Variants in ADAMTS12 observed in about 807,000 individuals in gnomAD.
ADAMTS12 encodes ADAM metallopeptidase with thrombospondin type 1 motif 12.
A neutral mutation model predicts 167.8 loss-of-function variants in ADAMTS12; 118 were observed. The ratio of observed to expected loss-of-function variants is 0.70; its 90% CI spans 0.61 to 0.82. The LOEUF is 0.82. Among genes scored for constraint, ADAMTS12 ranks in the 40% least tolerant of loss-of-function variants. ADAMTS12 has a pLI of 0.00. For missense variants in ADAMTS12, 1,916 were observed against 1,998.8 expected (o/e 0.96, Z 0.79); for synonymous variants, 704 against 716.9 (o/e 0.98, Z 0.29).
intron 3 of ADAMTS12, among the ~76,000 whole-genome samples, chr5:33,721,092 TA>T (rs568954389): frequency 1.1e-3 from 172 of 152,300 alleles, no homozygotes; most frequent in African/African-American, 4.0e-3. Context: ...CTCGCCAATG[TA>T]ATGTGACAGA....
At chr5:33,738,780 G>A (rs1185012559) in intron 3 of ADAMTS12, among the ~76,000 whole-genome samples, 6 of 152,252 alleles carry the variant, frequency 3.9e-5, no homozygotes, top group African/African-American at 1.2e-4. Context: ...AGGAGCTGAA[G>A]AGCCAAGGCC....
chr5:33,719,926 C>A (rs1167771499), intron 3 of ADAMTS12, among the ~76,000 whole-genome samples: 1 of 152,038 alleles, frequency 6.6e-6, no homozygotes, highest in East Asian at 1.9e-4. Context: ...GTGGGGGTTG[C>A]TAGGGGAGGG....
intron 5 of ADAMTS12, among the ~76,000 whole-genome samples, chr5:33,664,071 T>C (rs917982479): frequency 6.6e-6 from 1 of 152,184 alleles, no homozygotes; most frequent in African/African-American, 2.4e-5. Context: ...AAAGACATCA[T>C]CTATTCTCTC....
chr5:33,791,780 T>A (rs1746580475), intron 2 of ADAMTS12, among the ~76,000 whole-genome samples: 5 of 151,912 alleles, frequency 3.3e-5, no homozygotes, highest in Admixed American at 2.6e-4. Flanking sequence ...CTTTTTTTTT[T>A]TTTGGCCTTA....
At chr5:33,750,655 G>A (rs1744940789) in intron 3 of ADAMTS12, among the ~76,000 whole-genome samples, 3 of 152,068 alleles carry the variant, frequency 2.0e-5, no homozygotes, top group Non-Finnish European at 2.9e-5. Flanking sequence ...AAACTGTCCC[G>A]ATTCCCAATC....
intron 2 of ADAMTS12, among the ~76,000 whole-genome samples, chr5:33,835,543 T>G (rs1440724353): frequency 6.6e-6 from 1 of 152,242 alleles, no homozygotes; most frequent in Admixed American, 6.5e-5. Flanking sequence ...GGCGAGGGCC[T>G]GTCTCCTAGT....
chr5:33,774,789 C>T lies in ADAMTS12; in HGVS notation c.490-23241G>A, dbSNP rs896395320. Among the ~76,000 whole-genome samples the T allele has an allele frequency of 2.6e-5, 4 of 152,210 alleles. No individual in the cohort carries two copies. The East Asian group carries it at 5.8e-4, about 22-fold the overall frequency. On this transcript the variant is annotated intron_variant, in intron 2 of 23. Coordinates refer to ENST00000504830, the MANE Select transcript of ADAMTS12 (RefSeq NM_030955.4). Reference sequence around the variant, plus strand: ...AGCCTGTCTTTCATTAACTGTTACTCATGTCCTGCTTTGCCCAGCTTTATT... The same window carrying T: ...AGCCTGTCTTTCATTAACTGTTACTTATGTCCTGCTTTGCCCAGCTTTATT...
At chr5:33,771,364 T>C (rs1477641910) in intron 2 of ADAMTS12, among the ~76,000 whole-genome samples, 3 of 152,184 alleles carry the variant, frequency 2.0e-5, no homozygotes, top group African/African-American at 7.2e-5. Flanking sequence ...AATGAGTGGG[T>C]ACCAGTTATT....
chr5:33,779,063 G>A (rs1746018388), intron 2 of ADAMTS12, among the ~76,000 whole-genome samples: 2 of 152,100 alleles, frequency 1.3e-5, no homozygotes, highest in South Asian at 4.1e-4. Flanking sequence ...TAGTGGGGAT[G>A]TAAATTAGAA....
chr5:33,758,593 C>T (rs1046993104), intron 2 of ADAMTS12, among the ~76,000 whole-genome samples: 2 of 152,122 alleles, frequency 1.3e-5, no homozygotes, highest in Admixed American at 6.5e-5. Flanking sequence ...CTAAAATTTC[C>T]AGATGTCAGT....
chr5:33,727,814 T>C (rs1215194027), intron 3 of ADAMTS12, among the ~76,000 whole-genome samples: 1 of 152,190 alleles, frequency 6.6e-6, no homozygotes, highest in African/African-American at 2.4e-5. Flanking sequence ...TCCCACTAAT[T>C]CCGTTCCTGG....
At chr5:33,738,918 A>G (rs1333427504) in intron 3 of ADAMTS12, among the ~76,000 whole-genome samples, 2 of 152,206 alleles carry the variant, frequency 1.3e-5, no homozygotes, top group Non-Finnish European at 2.9e-5. Context: ...AGCAGTAGTA[A>G]TTCCCTAAGA....
intron 5 of ADAMTS12, among the ~76,000 whole-genome samples, chr5:33,662,377 TAAACCAATGCA>T (rs1741289592): frequency 1.3e-5 from 2 of 152,242 alleles, no homozygotes; most frequent in Admixed American, 1.3e-4. Flanking sequence ...CTCTGCATCC[TAAACCAATGCA>T]ATATCAAAGA....
At chr5:33,647,824 A>T (rs1268287080) in intron 9 of ADAMTS12, among the ~76,000 whole-genome samples, 1 of 152,164 alleles carries the variant, frequency 6.6e-6, no homozygotes, top group African/African-American at 2.4e-5. Flanking sequence ...TTTTGTATCA[A>T]CTTTACCTTC....
At chr5:33,891,047 T>C (rs777380662) in intron 1 of ADAMTS12, among the ~76,000 whole-genome samples, 9 of 152,264 alleles carry the variant, frequency 5.9e-5, no homozygotes, top group Non-Finnish European at 1.0e-4. Flanking sequence ...CTGTTAGGCT[T>C]AAAAGAATAA....
chr5:33,780,049 T>C (rs939550403), intron 2 of ADAMTS12, among the ~76,000 whole-genome samples: 5 of 152,206 alleles, frequency 3.3e-5, no homozygotes, highest in African/African-American at 9.6e-5. Context: ...AATATGGTAA[T>C]CATTTCACAA....
intron 2 of ADAMTS12, among the ~76,000 whole-genome samples, chr5:33,828,445 A>G (rs183424041): frequency 2.0e-5 from 3 of 152,274 alleles, no homozygotes; most frequent in Admixed American, 6.5e-5. Context: ...TCTTACTGTT[A>G]TATCTTTCTG....
At chr5:33,740,375 G>A (rs1036671059) in intron 3 of ADAMTS12, among the ~76,000 whole-genome samples, 1 of 152,128 alleles carries the variant, frequency 6.6e-6, no homozygotes, top group East Asian at 1.9e-4. Context: ...ATAATTTGTA[G>A]AATACAGTGC....
chr5:33,592,816 T>A (rs1460889147), intron 17 of ADAMTS12, among the ~76,000 whole-genome samples: 1 of 152,090 alleles, frequency 6.6e-6, no homozygotes, highest in Non-Finnish European at 1.5e-5. Context: ...CACAGGAAAT[T>A]TTTTGGGAAA....
Sources: allele counts gnomAD v4.1 joint callset (sites outside exome capture counted in the v4.1 genomes callset), GRCh38; gene constraint gnomAD v4.1.1; transcripts MANE v1.5; gene names NCBI Gene and HGNC (gene_info 2026-07-23, HGNC 2026-07-21).